The following CHD9 variants were observed in gnomAD, a reference collection of about 807,000 sequenced individuals.
CHD9 encodes ATP-dependent chromatin remodeler CHD9.
CHD9 carries 77 observed loss-of-function variants against 316.1 expected under a neutral mutation model. The ratio of observed to expected loss-of-function variants is 0.24; its 90% confidence interval spans 0.20 to 0.29. The LOEUF (loss-of-function observed/expected upper bound fraction) is 0.29, where lower values mean the gene tolerates loss of function less well. Ranked by LOEUF, CHD9 falls within the 10% of genes least tolerant of loss-of-function variation. CHD9 has a pLI of 1.00. For synonymous variants in CHD9, 1,129 were observed against 1,158.3 expected, an observed-to-expected ratio of 0.97 and a Z score of 0.51; for missense variants, 2,763 against 3,438.1, an observed-to-expected ratio of 0.80 and a Z score of 4.91.
At chr16:53,256,575 G>A (rs1310350965) in intron 19 of CHD9, among the ~76,000 whole-genome samples, 14 of 149,264 alleles carry the variant, frequency 9.4e-5, no homozygotes, top group Admixed American at 1.3e-4. Context: ...CACCCGCCTC[G>A]GCCTCCCAAA....
intron 35 of CHD9, 66 bp downstream of exon 35, chr16:53,314,582 T>C (rs2056738537): frequency 1.5e-6 from 2 of 1,301,924 alleles, no homozygotes; most frequent in African/African-American, 1.5e-5. Context: ...AATATACATA[T>C]TATTGTTTTG....
rs567614433 is a variant in CHD9 at position 53,222,553 on chromosome 16, T to C, written c.1785-91T>C. 6 of 649,040 alleles carry C rather than the reference T, an allele frequency of 9.2e-6. No individual in the cohort carries two copies. In the East Asian group the frequency reaches 1.4e-4, roughly 15 times the overall value. The allele number at this position is 649,040 out of a possible 1,614,324, so 40.2% of individuals were successfully genotyped here. On this transcript the variant is annotated intron_variant, in intron 3 of 38. Coordinates refer to ENST00000447540, the MANE Select transcript of CHD9 (RefSeq NM_001308319.2). ...GGTTGGACATGCAAGTGATATAAAG[T>C]GGAAGAAAGTTTATCATGACAATCT...
rs555739404 is a variant in CHD9, at chr16:53,197,638, T to C, written c.1453-11844T>C. 6.6e-5 allele frequency among the ~76,000 whole-genome samples: 10 copies of C among 151,996 alleles called. No homozygotes were observed. In the South Asian group the frequency reaches 2.1e-3, roughly 32 times the overall value. On this transcript the variant is annotated intron_variant, in intron 2 of 38. Transcript: ENST00000447540. ...TAAGCAGCCTGTCTAGTTCAACTCA[T>C]TCTGCTACGTGAATATTCTAGCTTT...
intron 17 of CHD9, among the ~76,000 whole-genome samples, chr16:53,251,016 T>C (rs1391994418): frequency 6.6e-6 from 1 of 152,216 alleles, no homozygotes; most frequent in African/African-American, 2.4e-5. Flanking sequence ...TGCTTATTTA[T>C]GTAACTATAT....
At chr16:53,066,321 C>T (rs2033504669) in intron 1 of CHD9, among the ~76,000 whole-genome samples, 2 of 152,172 alleles carry the variant, frequency 1.3e-5, no homozygotes, top group Non-Finnish European at 2.9e-5. Context: ...GGCACTAAAC[C>T]CAAGTCATCG....
At chr16:53,302,645 T>A (rs991922158) in intron 30 of CHD9, among the ~76,000 whole-genome samples, 1 of 152,230 alleles carries the variant, frequency 6.6e-6, no homozygotes, top group Non-Finnish European at 1.5e-5. Context: ...GTTTTTTCTG[T>A]GGAATTCTGC....
At chr16:53,277,348 A>G (rs1168943639) in intron 24 of CHD9, among the ~76,000 whole-genome samples, 2 of 152,224 alleles carry the variant, frequency 1.3e-5, no homozygotes, top group African/African-American at 2.4e-5. Flanking sequence ...CATACATGCA[A>G]AAATCCTTAA....
At chr16:53,092,380 T>A (rs1285163322) in intron 1 of CHD9, among the ~76,000 whole-genome samples, 5 of 152,190 alleles carry the variant, frequency 3.3e-5, no homozygotes, top group Non-Finnish European at 4.4e-5. Flanking sequence ...TATGCAAACA[T>A]AAAAGAAAAC....
At chr16:53,266,738 A>G (rs1427558084) in intron 20 of CHD9, among the ~76,000 whole-genome samples, 3 of 152,238 alleles carry the variant, frequency 2.0e-5, no homozygotes, top group Non-Finnish European at 4.4e-5. Flanking sequence ...GTATGTTAAC[A>G]TAAATTGTTT....
At chr16:53,235,386 T>A in intron 11 of CHD9, 80 bp downstream of exon 11, 2 of 1,021,124 alleles carry the variant, frequency 2.0e-6, no homozygotes, top group Non-Finnish European at 2.8e-6. Flanking sequence ...ATACTGTTGT[T>A]GCTATATTGT....
rs923688484 is a variant in CHD9 at position 53,307,709 on chromosome 16, G to A, written c.6809G>A (p.Ser2270Asn). ...KDRVMINRLDSICQTVLKGKW... is the reference protein window; with the variant it reads ...KDRVMINRLDNICQTVLKGKW... ...CGTGTGATGATCAATAGGTTGGACAGTATTTGTCAAACAGTTCTGAAAGGA... is the reference window on the plus strand; with the variant it reads ...CGTGTGATGATCAATAGGTTGGACAATATTTGTCAAACAGTTCTGAAAGGA... The change falls in exon 33 of 39, where the codon AGT becomes AAT. Residue 2270 changes from serine (S) to asparagine (N), a missense_variant. Ser to Asn is a conservative substitution (Grantham distance 46). Coordinates refer to ENST00000447540, the MANE Select transcript of CHD9 (RefSeq NM_001308319.2). The A allele has an allele frequency of 6.2e-7, 1 of 1,610,764 alleles. No homozygotes were observed. Among genetic ancestry groups the A allele is most frequent in the Non-Finnish European group, 8.5e-7 (1 of 1,178,390 alleles).
intron 34 of CHD9, among the ~76,000 whole-genome samples, chr16:53,309,820 A>G (rs930288310): frequency 6.6e-6 from 1 of 152,122 alleles, no homozygotes; most frequent in Non-Finnish European, 1.5e-5. Context: ...TAAAAGTGTG[A>G]TGTCAAGAAT....
rs144525745 is a variant in CHD9, at chr16:53,138,327, T to C, written c.-164-17599T>C. Reference sequence around the variant, plus strand: ...AAAGCAGATTTGAATTTCTCAAAGATTTGAGTGAAATCACATTTGGAGGAT... The same window carrying C: ...AAAGCAGATTTGAATTTCTCAAAGACTTGAGTGAAATCACATTTGGAGGAT... On this transcript the variant is annotated intron_variant, in intron 1 of 38. Coordinates refer to ENST00000447540, the MANE Select transcript of CHD9 (RefSeq NM_001308319.2). Among the ~76,000 whole-genome samples the C allele has an allele frequency of 2.4e-4, 37 of 152,316 alleles. No individual in the cohort carries two copies. The East Asian group carries it at 6.7e-3, about 28-fold the overall frequency.
At chr16:53,214,518 T>C (rs1352181090) in intron 3 of CHD9, among the ~76,000 whole-genome samples, 1 of 142,548 alleles carries the variant, frequency 7.0e-6, no homozygotes, top group Non-Finnish European at 1.5e-5. Context: ...CCATTAGTAG[T>C]CTCCCTGTAA....
At chr16:53,090,307 T>G (rs2050096653) in intron 1 of CHD9, among the ~76,000 whole-genome samples, 1 of 152,168 alleles carries the variant, frequency 6.6e-6, no homozygotes, top group Non-Finnish European at 1.5e-5. Context: ...GGGAGAAGGA[T>G]GGGGCTGAGC....
chr16:53,318,365 CT>C, intron 37 of CHD9, 25 bp downstream of exon 37: 1 of 1,549,802 alleles, frequency 6.5e-7, no homozygotes, highest in Non-Finnish European at 8.8e-7. Flanking sequence ...TTTTCTTAAT[CT>C]TTTGTATTGA....
At chr16:53,142,663 G>C (rs961975613) in intron 1 of CHD9, among the ~76,000 whole-genome samples, 8 of 152,228 alleles carry the variant, frequency 5.3e-5, no homozygotes, top group African/African-American at 1.9e-4. Context: ...TTAGCAGTTA[G>C]AATTTGAATC....
Position 53,324,538 on chromosome 16 carries a change from T to C in CHD9, c.8337T>C (p.Thr2779=). 1 of 1,613,870 alleles carries C rather than the reference T, an allele frequency of 6.2e-7. No homozygotes were observed. Among genetic ancestry groups the C allele is most frequent in the Non-Finnish European group, 8.5e-7 (1 of 1,179,804 alleles). Residue 2779 remains threonine (T), a synonymous_variant, in exon 39 of 39, where the codon ACT becomes ACC. Transcript: ENST00000447540. The part of the protein sequence containing the change: ...SVSSSPSTSS[T]AALNTAAAAN... ...CAAGTTCTCCTTCCACATCCTCTACTGCTGCATTAAATACAGCTGCAGCTG... is the reference window on the plus strand; with the variant it reads ...CAAGTTCTCCTTCCACATCCTCTACCGCTGCATTAAATACAGCTGCAGCTG...
At chr16:53,303,679 A>G in intron 30 of CHD9, 41 bp from the exon 31 acceptor site, 2 of 1,373,800 alleles carry the variant, frequency 1.5e-6, no homozygotes, top group South Asian at 3.2e-5. Context: ...TAAATAAAGG[A>G]TTTTTGAGAT....
Sources: allele counts gnomAD v4.1 joint callset (sites outside exome capture counted in the v4.1 genomes callset), GRCh38; gene constraint gnomAD v4.1.1; transcripts MANE v1.5; gene names NCBI Gene and HGNC (gene_info 2026-07-23, HGNC 2026-07-21).